Variants in PDE3A observed in about 807,000 individuals in gnomAD.
PDE3A encodes phosphodiesterase 3A.
A neutral mutation model predicts 98.3 loss-of-function variants in PDE3A; 43 were observed. The ratio of observed to expected loss-of-function variants is 0.44; its 90% CI spans 0.34 to 0.56. PDE3A has a LOEUF of 0.56. Among genes scored for constraint, PDE3A ranks in the 20% least tolerant of loss-of-function variants. PDE3A has a pLI of 0.01. For missense variants in PDE3A, 1,427 were observed against 1,440.7 expected (o/e 0.99, Z 0.15); for synonymous variants, 663 against 567.9 (o/e 1.17, Z -2.38).
chr12:20,400,380 T>G (rs1254143197), intron 1 of PDE3A, among the ~76,000 whole-genome samples: 5 of 1,772 alleles, frequency 2.8e-3, no homozygotes, highest in Admixed American at 0.01. Flanking sequence ...TTAACATTGG[T>G]TTTTTTTTTT....
chr12:20,603,306 A>G (rs1943636652), intron 2 of PDE3A, among the ~76,000 whole-genome samples: 1 of 152,212 alleles, frequency 6.6e-6, no homozygotes, highest in South Asian at 2.1e-4. Flanking sequence ...ATAGAAAGAA[A>G]AAAATACTTC....
chr12:20,411,672 T>C (rs201101233), intron 1 of PDE3A, among the ~76,000 whole-genome samples: 7 of 151,482 alleles, frequency 4.6e-5, no homozygotes, highest in African/African-American at 1.5e-4. Context: ...ATAGTCTTTA[T>C]ATACATGGCT....
chr12:20,417,555 CT>C (rs1385403347), intron 1 of PDE3A, among the ~76,000 whole-genome samples: 1 of 152,156 alleles, frequency 6.6e-6, no homozygotes, highest in African/African-American at 2.4e-5. Flanking sequence ...TTGTTTAAAA[CT>C]TGAAGAGACA....
At chr12:20,377,604 A>C (rs941801216) in intron 1 of PDE3A, among the ~76,000 whole-genome samples, 1 of 151,806 alleles carries the variant, frequency 6.6e-6, no homozygotes, top group Non-Finnish European at 1.5e-5. Context: ...GTCTTTGTAG[A>C]TTTAATAACA....
rs1468776335 is a variant in PDE3A, at chr12:20,552,529, G to A, written c.961-4131G>A. 10 of 1,613,224 alleles carry A rather than the reference G, an allele frequency of 6.2e-6. No homozygotes were observed. The highest frequency in any genetic ancestry group is 5.0e-5 in the Admixed American group (3 of 59,910). ...CAAGAGGGAGGAGGAGGAGCAGCAG[G>A]AGGGGGGCTTCGCGTCCCCCAGGAC... On this transcript the variant is annotated intron_variant, in intron 1 of 15. Transcript: ENST00000359062. The surrounding 1 kb of genome is among the most constrained non-coding windows in gnomAD (Gnocchi z 5.1).
intron 1 of PDE3A, among the ~76,000 whole-genome samples, chr12:20,555,423 G>A (rs573284394): frequency 3.3e-5 from 5 of 152,190 alleles, no homozygotes; most frequent in South Asian, 2.1e-4. Context: ...AACATCGATC[G>A]TCTCTCATAG....
chr12:20,540,149 A>G (rs1176573577), intron 1 of PDE3A, among the ~76,000 whole-genome samples: 1 of 152,164 alleles, frequency 6.6e-6, no homozygotes, highest in African/African-American at 2.4e-5. Context: ...CACATTGTCT[A>G]TTAGTGACTC....
At chr12:20,487,275 G>A (rs1417995050) in intron 1 of PDE3A, among the ~76,000 whole-genome samples, 1 of 151,950 alleles carries the variant, frequency 6.6e-6, no homozygotes, top group Non-Finnish European at 1.5e-5. Context: ...ATTGATTAAT[G>A]AGGGAACCAG....
intron 2 of PDE3A, among the ~76,000 whole-genome samples, chr12:20,568,972 A>G (rs1313947184): frequency 6.6e-6 from 1 of 152,020 alleles, no homozygotes; most frequent in African/African-American, 2.4e-5. Flanking sequence ...ACAAGTAATA[A>G]CTATTTTAAT....
intron 1 of PDE3A, among the ~76,000 whole-genome samples, chr12:20,384,047 G>A (rs189708318): frequency 2.0e-5 from 3 of 152,094 alleles, no homozygotes; most frequent in Admixed American, 6.6e-5. Flanking sequence ...GTACTGCCAA[G>A]TTGGGTATTG....
intron 1 of PDE3A, among the ~76,000 whole-genome samples, chr12:20,495,048 A>G (rs917982141): frequency 1.3e-5 from 2 of 152,180 alleles, no homozygotes. Flanking sequence ...GTGTCTGTCT[A>G]AAATCATTCA....
intron 1 of PDE3A, chr12:20,551,960 C>T: frequency 6.2e-7 from 1 of 1,612,950 alleles, no homozygotes; most frequent in African/African-American, 1.3e-5. Context: ...GTCCATCGGC[C>T]CCACGTGGCT....
At chr12:20,556,295 G>A (rs530508862) in intron 1 of PDE3A, among the ~76,000 whole-genome samples, 2 of 151,962 alleles carry the variant, frequency 1.3e-5, no homozygotes, top group African/African-American at 4.8e-5. Context: ...TATCATTTGC[G>A]GCAGTAGATT....
chr12:20,535,323 T>A (rs1221580846), intron 1 of PDE3A, among the ~76,000 whole-genome samples: 3 of 152,146 alleles, frequency 2.0e-5, no homozygotes, highest in Non-Finnish European at 4.4e-5. Flanking sequence ...CCCAGCCTCT[T>A]AGGGAAGAAT....
chr12:20,459,653 G>A (rs369191012), intron 1 of PDE3A, among the ~76,000 whole-genome samples: 7 of 152,050 alleles, frequency 4.6e-5, no homozygotes, highest in Middle Eastern at 3.2e-3. Flanking sequence ...ACATTCAAAG[G>A]TTTCATAGCA....
intron 2 of PDE3A, among the ~76,000 whole-genome samples, chr12:20,608,890 T>C (rs1049231401): frequency 9.9e-5 from 15 of 152,096 alleles, no homozygotes; most frequent in African/African-American, 3.6e-4. Flanking sequence ...ATTTAAAATT[T>C]TGTCTTGAAA....
intron 1 of PDE3A, among the ~76,000 whole-genome samples, chr12:20,497,511 G>A (rs1945941459): frequency 6.7e-6 from 1 of 150,352 alleles, no homozygotes; most frequent in African/African-American, 2.4e-5. Context: ...AAAAACATAG[G>A]TTCTACAAAT....
chr12:20,624,090 G>C (rs556659916), intron 5 of PDE3A, among the ~76,000 whole-genome samples: 1 of 152,228 alleles, frequency 6.6e-6, no homozygotes, highest in African/African-American at 2.4e-5. Context: ...TGAGGAAACT[G>C]AGGGAAAAGA....
intron 1 of PDE3A, among the ~76,000 whole-genome samples, chr12:20,411,956 TA>T (rs1944341789): frequency 6.6e-6 from 1 of 152,176 alleles, no homozygotes. Context: ...TCTCAGTGTT[TA>T]TATCTGTGTC....
Sources: gnomAD v4.1 joint callset for allele counts (sites outside exome capture counted in the v4.1 genomes callset) on GRCh38, gnomAD v4.1.1 for gene constraint, Gnocchi (gnomAD v3.1) non-coding constraint, MANE v1.5 for transcripts, NCBI Gene and HGNC (gene_info 2026-07-23, HGNC 2026-07-21) for gene names.